The following BTG4 variants were observed in gnomAD, a reference collection of about 807,000 sequenced individuals.
The protein encoded by BTG4 is BTG anti-proliferation factor 4.
A neutral mutation model predicts 19.3 loss-of-function variants in BTG4; 10 were observed. The observed-to-expected ratio is 0.52, with a 90% confidence interval of 0.32 to 0.88. The LOEUF (loss-of-function observed/expected upper bound fraction) is 0.88. Among genes scored for constraint, BTG4 ranks in the 40% least tolerant of loss-of-function variants. The pLI, the probability that BTG4 is intolerant of heterozygous loss-of-function variation, is 0.04. For missense variants in BTG4, 238 were observed against 281.9 expected (o/e 0.84, Z 1.11); for synonymous variants, 91 against 95.7 (o/e 0.95, Z 0.29).
At chr11:111,451,322 T>C in the BTG4 span, 23 of 429,994 alleles carry the variant, frequency 5.3e-5, no homozygotes, top group Non-Finnish European at 8.2e-5. Flanking sequence ...CCCAGCTCTA[T>C]GAGCAAAGCC....
intron 5 of BTG4, among the ~76,000 whole-genome samples, chr11:111,485,644 T>C (rs1417823897): frequency 6.6e-6 from 1 of 151,698 alleles, no homozygotes; most frequent in African/African-American, 2.4e-5. Context: ...CGTCAAAAAA[T>C]AAGAAAAACT....
chr11:111,480,889 C>A (rs1864701523), intron 5 of BTG4, among the ~76,000 whole-genome samples: 1 of 150,684 alleles, frequency 6.6e-6, no homozygotes, highest in Non-Finnish European at 1.5e-5. Context: ...CCCCAAAAAT[C>A]TAGAAAAAGA....
At chr11:111,504,517 G>A (rs1284970497) in intron 1 of BTG4, among the ~76,000 whole-genome samples, 2 of 151,944 alleles carry the variant, frequency 1.3e-5, no homozygotes, top group African/African-American at 2.4e-5. Context: ...AATGTAAGTG[G>A]CATTGTTTGA....
the BTG4 span, among the ~76,000 whole-genome samples, chr11:111,438,748 T>G: frequency 6.6e-6 from 1 of 152,200 alleles, no homozygotes; most frequent in Non-Finnish European, 1.5e-5. Flanking sequence ...CTCATCTCCT[T>G]GGTGACCCCA....
At chr11:111,431,718 A>C in the BTG4 span, among the ~76,000 whole-genome samples, 1 of 152,228 alleles carries the variant, frequency 6.6e-6, no homozygotes, top group African/African-American at 2.4e-5. Context: ...CCTGTGTAGG[A>C]AATGACCAGA....
At chr11:111,499,801 C>T (rs12275966) in intron 1 of BTG4, among the ~76,000 whole-genome samples, 2 of 152,088 alleles carry the variant, frequency 1.3e-5, no homozygotes, top group South Asian at 2.1e-4. Context: ...TCTCAAAGGG[C>T]GGGTCAGTGA....
intron 5 of BTG4, among the ~76,000 whole-genome samples, chr11:111,485,452 A>C (rs1001333928): frequency 1.3e-5 from 2 of 152,214 alleles, no homozygotes; most frequent in African/African-American, 4.8e-5. Flanking sequence ...TAACAAAGGA[A>C]ACTTTGGAAA....
chr11:111,495,003 C>T lies in BTG4; in HGVS notation c.*132G>A, dbSNP rs534540770. On this transcript the variant is annotated 3_prime_UTR_variant, in exon 5 of 5. Transcript: ENST00000692032. ...GTGATGATCTGTATGAGAGGATTTA[C>T]CATTGTGTACCCTAGTCCCTAATAT... The T allele has an allele frequency of 3.7e-4, 360 of 985,318 alleles. No individual in the cohort carries two copies. The highest frequency in any genetic ancestry group is 4.2e-4 in the Non-Finnish European group (352 of 829,900). 61.0% of individuals were successfully genotyped at this position (985,318 alleles called of 1,614,324 possible). A position where few individuals can be genotyped will look rare whatever the true frequency, so the allele number is the denominator to read the frequency against.
chr11:111,444,710 A>T, the BTG4 span, among the ~76,000 whole-genome samples: 1 of 152,232 alleles, frequency 6.6e-6, no homozygotes, highest in African/African-American at 2.4e-5. Flanking sequence ...ACAAAAATTT[A>T]AAAAATAAAA....
rs753444038 is a variant in BTG4 at position 111,498,626 on chromosome 11, G to A, written c.151C>T (p.Pro51Ser). Residue 51 changes from proline to serine, a missense_variant, in exon 2 of 5, where the codon CCT becomes TCT. Coordinates refer to ENST00000692032, the MANE Select transcript of BTG4 (RefSeq NM_001367975.1). ...TYRSHWHSDC[P>S]SKGQAFRCIR... ...CACCTGAAGGCTTGCCCTTTAGAAG[G>A]GCAATCAGAGTGCCAGTGACTTCTG... The A allele has an allele frequency of 7.4e-6, 12 of 1,613,146 alleles. No individual in the cohort carries two copies. The South Asian group carries it at 1.3e-4, about 18-fold the overall frequency.
chr11:111,419,439 C>T, the BTG4 span, among the ~76,000 whole-genome samples: 1 of 152,252 alleles, frequency 6.6e-6, no homozygotes, highest in Non-Finnish European at 1.5e-5. Context: ...CCCCTCGCCC[C>T]TTGGCCTCCC....
At chr11:111,395,802 T>C in the BTG4 span, among the ~76,000 whole-genome samples, 1 of 152,078 alleles carries the variant, frequency 6.6e-6, no homozygotes, top group Non-Finnish European at 1.5e-5. Context: ...ACACACAGAG[T>C]TGGAGATGCG....
intron 1 of BTG4, among the ~76,000 whole-genome samples, chr11:111,499,334 C>T (rs1018265749): frequency 3.3e-5 from 5 of 152,178 alleles, no homozygotes; most frequent in Admixed American, 1.3e-4. Context: ...CACACCTGTT[C>T]GTGAGTTCGA....
the BTG4 span, among the ~76,000 whole-genome samples, chr11:111,435,950 C>G: frequency 6.6e-6 from 1 of 152,226 alleles, no homozygotes; most frequent in Non-Finnish European, 1.5e-5. Flanking sequence ...TGAGGACCTC[C>G]CCCGCAGAAG....
chr11:111,463,088 A>T (rs149353539), downstream of BTG4: 1 of 152,858 alleles, frequency 6.5e-6, no homozygotes, highest in Non-Finnish European at 1.5e-5. Flanking sequence ...GTGGTGAGGG[A>T]GAGACAGAAC....
At chr11:111,437,699 C>T in the BTG4 span, among the ~76,000 whole-genome samples, 766 of 152,252 alleles carry the variant, frequency 5.0e-3, 7 homozygotes, top group African/African-American at 0.017. Context: ...ATCCCCACCA[C>T]TACCCAGCAG....
the BTG4 span, among the ~76,000 whole-genome samples, chr11:111,400,743 C>G: frequency 5.9e-5 from 9 of 152,216 alleles, no homozygotes; most frequent in South Asian, 1.9e-3. Flanking sequence ...TAGCAGACAC[C>G]ACCTTAACCA....
rs1864848761 is a variant in BTG4, at chr11:111,483,216, A to G, written c.662+11947T>C. Among the ~76,000 whole-genome samples the G allele has an allele frequency of 2.0e-5, 3 of 152,294 alleles. No individual in the cohort carries two copies. In the South Asian group the frequency reaches 6.2e-4, roughly 32 times the overall value. On this transcript the variant is annotated intron_variant, in intron 5 of 5. Coordinates refer to the BTG4 transcript ENST00000356018. ...GCAGTGACCACAAGCTTAGATCACA[A>G]CACTCAATCCCCTTTTAATATGTGG...
At chr11:111,443,700 G>A in the BTG4 span, among the ~76,000 whole-genome samples, 18 of 152,230 alleles carry the variant, frequency 1.2e-4, no homozygotes, top group Non-Finnish European at 1.5e-4. Context: ...GTGACATCCC[G>A]GGGGCACTGC....
Sources: allele counts gnomAD v4.1 joint callset (sites outside exome capture counted in the v4.1 genomes callset), GRCh38; gene constraint gnomAD v4.1.1; transcripts MANE v1.5; gene names NCBI Gene and HGNC (gene_info 2026-07-23, HGNC 2026-07-21).